Variants in DEFB1 observed in about 807,000 individuals in gnomAD.
DEFB1 encodes beta-defensin 1.
In DEFB1, 4 loss-of-function variants were observed where a neutral mutation model predicts 2.6. The ratio of observed to expected loss-of-function variants is 1.53; its 90% CI spans 0.76 to 3.51. The LOEUF (loss-of-function observed/expected upper bound fraction) is 3.51, where lower values mean the gene tolerates loss of function less well. DEFB1 is among the 30% of genes most tolerant of loss of function. DEFB1 has a pLI of 0.01. For synonymous variants in DEFB1, 56 were observed against 28.5 expected, an observed-to-expected ratio of 1.96 and a Z score of -3.07; for missense variants, 162 against 76.9, an observed-to-expected ratio of 2.11 and a Z score of -4.14.
chr8:6,876,920 G>A (rs1017043131), intron 1 of DEFB1, among the ~76,000 whole-genome samples: 1 of 148,598 alleles, frequency 6.7e-6, no homozygotes, highest in Non-Finnish European at 1.5e-5. Flanking sequence ...GAATGCTTTT[G>A]TACTCAGCTT....
chr8:6,877,858 G>C lies in DEFB1; in HGVS notation c.-1C>G. ...ACAGCAGAAGGTAGGAAGTTCTCATGGCGACTGGCAGGCAACACCCAGGAT... is the reference window on the plus strand; with the variant it reads ...ACAGCAGAAGGTAGGAAGTTCTCATCGCGACTGGCAGGCAACACCCAGGAT... On this transcript the variant is annotated 5_prime_UTR_variant, in exon 1 of 2. Coordinates refer to ENST00000297439, the MANE Select transcript of DEFB1 (RefSeq NM_005218.4). The C allele has an allele frequency of 1.2e-6, 2 of 1,613,944 alleles. No individual in the cohort carries two copies. The highest frequency in any genetic ancestry group is 1.7e-6 in the Non-Finnish European group (2 of 1,179,904).
chr8:6,875,502 C>A (rs543271108), intron 1 of DEFB1, among the ~76,000 whole-genome samples: 1 of 152,150 alleles, frequency 6.6e-6, no homozygotes, highest in Admixed American at 6.5e-5. Flanking sequence ...TTGCCTGTAA[C>A]TATGTATAAA....
At chr8:6,874,536 T>TCA (rs1294020307) in intron 1 of DEFB1, among the ~76,000 whole-genome samples, 1 of 151,758 alleles carries the variant, frequency 6.6e-6, no homozygotes, top group Non-Finnish European at 1.5e-5. Context: ...GTGTAGAGCG[T>TCA]CTGTAATTAA....
At chr8:6,876,176 A>G (rs5743443) in intron 1 of DEFB1, among the ~76,000 whole-genome samples, 37 of 152,250 alleles carry the variant, frequency 2.4e-4, no homozygotes, top group Admixed American at 9.2e-4. Context: ...AATATTTTCT[A>G]TTCCTTTAAA....
At chr8:6,874,988 A>AC (rs1563397583) in intron 1 of DEFB1, among the ~76,000 whole-genome samples, 2 of 151,818 alleles carry the variant, frequency 1.3e-5, no homozygotes, top group African/African-American at 4.8e-5. Context: ...TCTCAAAAAA[A>AC]AAAAAAGTTG....
chr8:6,874,135 ACACACACACACG>A (rs985629022), intron 1 of DEFB1, among the ~76,000 whole-genome samples: 2 of 63,716 alleles, frequency 3.1e-5, no homozygotes, highest in African/African-American at 5.5e-5. Context: ...ACACACACAC[ACACACACACACG>A]CACACACACG....
chr8:6,877,039 G>T (rs1806558497), intron 1 of DEFB1, among the ~76,000 whole-genome samples: 1 of 152,116 alleles, frequency 6.6e-6, no homozygotes, highest in Non-Finnish European at 1.5e-5. Context: ...TTCTGAACTG[G>T]AGTGCTTGCT....
In DEFB1 at chr8:6,877,779, G is replaced by T; in HGVS notation, c.61+18C>A. 6.2e-7 allele frequency: 1 copy of T among 1,610,216 alleles called. No homozygotes were observed. Among genetic ancestry groups the T allele is most frequent in the Non-Finnish European group, 8.5e-7 (1 of 1,176,702 alleles). Reference sequence around the variant, plus strand: ...CCAGCCCTGGGGATGGGAAACTCTTGCAGGTACCAGAGCTTACCTGAGGCC... The same window carrying T: ...CCAGCCCTGGGGATGGGAAACTCTTTCAGGTACCAGAGCTTACCTGAGGCC... On this transcript the variant is annotated intron_variant, in intron 1 of 1. Coordinates refer to ENST00000297439, the MANE Select transcript of DEFB1 (RefSeq NM_005218.4).
At chr8:6,873,305 A>G (rs1225840869) in intron 1 of DEFB1, among the ~76,000 whole-genome samples, 1 of 152,186 alleles carries the variant, frequency 6.6e-6, no homozygotes, top group African/African-American at 2.4e-5. Context: ...CTGCTGGTTG[A>G]CTGTGGTGTC....
intron 1 of DEFB1, among the ~76,000 whole-genome samples, chr8:6,875,104 ACACACC>A (rs1344540374): frequency 6.5e-5 from 9 of 137,942 alleles, no homozygotes; most frequent in African/African-American, 1.8e-4. Context: ...ACACACACAC[ACACACC>A]CCATTGCCAG....
intron 1 of DEFB1, among the ~76,000 whole-genome samples, chr8:6,876,450 C>A (rs1488613661): frequency 3.3e-5 from 5 of 151,948 alleles, no homozygotes; most frequent in Non-Finnish European, 7.4e-5. Context: ...GCACTCCAGC[C>A]TGGGTGACAG....
chr8:6,870,936 C>G, intron 1 of DEFB1, 110 bp from the exon 2 acceptor site: 2 of 1,246,002 alleles, frequency 1.6e-6, no homozygotes, highest in Non-Finnish European at 2.2e-6. Context: ...AGAGTCTTCT[C>G]TTCCAAGAAA....
intron 1 of DEFB1, among the ~76,000 whole-genome samples, chr8:6,874,852 G>A (rs1052636939): frequency 2.6e-5 from 4 of 151,982 alleles, no homozygotes; most frequent in African/African-American, 9.7e-5. Flanking sequence ...TGTGGTGACA[G>A]GCGCCTGTAA....
intron 1 of DEFB1, among the ~76,000 whole-genome samples, chr8:6,872,333 A>T (rs1806352553): frequency 6.6e-6 from 1 of 152,246 alleles, no homozygotes; most frequent in East Asian, 1.9e-4. Flanking sequence ...GTTAATTGAA[A>T]TCACCCTAGC....
rs540667812 is a variant in DEFB1, at chr8:6,873,420, A to T, written c.62-2594T>A. ...AAGTTAGTGAGAGGGTACTTTGATTACATTCTGTGTTCCACATCTAATCTA... is the reference window on the plus strand; with the variant it reads ...AAGTTAGTGAGAGGGTACTTTGATTTCATTCTGTGTTCCACATCTAATCTA... On this transcript the variant is annotated intron_variant, in intron 1 of 1. Transcript: ENST00000297439. Among the ~76,000 whole-genome samples, 10 of 152,330 alleles carry T rather than the reference A, an allele frequency of 6.6e-5. No individual in the cohort carries two copies. The South Asian group carries it at 2.1e-3, about 32-fold the overall frequency.
chr8:6,872,084 T>C (rs549083385), intron 1 of DEFB1, among the ~76,000 whole-genome samples: 1 of 152,236 alleles, frequency 6.6e-6, no homozygotes, highest in South Asian at 2.1e-4. Context: ...TTTGAAAAAC[T>C]CTTCTCATTG....
chr8:6,877,901 C>G lies in DEFB1; in HGVS notation c.-44G>C, dbSNP rs1800972. 1,263,562 of 1,591,660 alleles carry G rather than the reference C, an allele frequency of 0.79. 503,546 individuals are homozygous for G. The highest frequency in any genetic ancestry group is 0.92 in the African/African-American group (68,743 of 74,626). On this transcript the variant is annotated 5_prime_UTR_variant, in exon 1 of 2. Transcript: ENST00000297439. ...CCCAGGATTTCAGGAACTGGGGAGA[C>G]GCTGGCTCCTTTGGAGGCTGAGCTG...
chr8:6,875,079 C>G (rs1585000595), intron 1 of DEFB1, among the ~76,000 whole-genome samples: 1 of 150,370 alleles, frequency 6.7e-6, no homozygotes, highest in African/African-American at 2.5e-5. Context: ...CACACACACA[C>G]ACACACACAC....
chr8:6,877,751 TC>T, intron 1 of DEFB1, 45 bp downstream of exon 1: 1 of 1,546,882 alleles, frequency 6.5e-7, no homozygotes, highest in Non-Finnish European at 8.9e-7. Context: ...AGCCCCATTG[TC>T]CCCAGCCCTG....
Sources: allele counts gnomAD v4.1 joint callset (sites outside exome capture counted in the v4.1 genomes callset), GRCh38; gene constraint gnomAD v4.1.1; transcripts MANE v1.5; gene names NCBI Gene and HGNC (gene_info 2026-07-23, HGNC 2026-07-21).